DNAJC11: variants seen among roughly 807,000 people sequenced by gnomAD.
DNAJC11 encodes the protein dnaJ homolog subfamily C member 11.
DNAJC11 carries 15 observed loss-of-function variants against 78.6 expected under a neutral mutation model. The observed-to-expected ratio is 0.19, with a 90% confidence interval of 0.13 to 0.29. The LOEUF is 0.29. Ranked by LOEUF, DNAJC11 falls within the 10% of genes least tolerant of loss-of-function variation. The pLI, the probability that DNAJC11 is intolerant of heterozygous loss-of-function variation, is 1.00. For missense variants in DNAJC11, 547 were observed against 709.6 expected (o/e 0.77, Z 2.60); for synonymous variants, 292 against 272.1 (o/e 1.07, Z -0.72).
intron 4 of DNAJC11, among the ~76,000 whole-genome samples, chr1:6,656,303 T>G (rs1470198368): frequency 6.6e-6 from 1 of 151,640 alleles, no homozygotes; most frequent in Non-Finnish European, 1.5e-5. Flanking sequence ...GGAGCTGTCA[T>G]GTTTAATTAG....
At chr1:6,698,495 T>A (rs1234538996) in intron 1 of DNAJC11, among the ~76,000 whole-genome samples, 1 of 152,134 alleles carries the variant, frequency 6.6e-6, no homozygotes, top group South Asian at 2.1e-4. Context: ...CACCTGAGTA[T>A]GACATTTAAC....
chr1:6,641,798 T>A (rs968475807), intron 10 of DNAJC11, among the ~76,000 whole-genome samples: 1 of 152,190 alleles, frequency 6.6e-6, no homozygotes, highest in East Asian at 1.9e-4. Flanking sequence ...TGAGTTCCTC[T>A]CAAGTACCAC....
chr1:6,644,535 C>T lies in DNAJC11; in HGVS notation c.1097+23G>A, dbSNP rs375799942. The T allele has an allele frequency of 2.2e-5, 34 of 1,547,418 alleles. No individual in the cohort carries two copies. In the Middle Eastern group the frequency reaches 6.7e-4, roughly 31 times the overall value. ...TGAAGGTGACAGGCATTCCTTGACC[C>T]GAAAGGCCTAAGTTCAACTTACTTG... On this transcript the variant is annotated intron_variant, in intron 10 of 15. Coordinates refer to ENST00000377577, the MANE Select transcript of DNAJC11 (RefSeq NM_018198.4).
chr1:6,640,989 C>T (rs1641866330), intron 10 of DNAJC11, among the ~76,000 whole-genome samples: 1 of 152,084 alleles, frequency 6.6e-6, no homozygotes, highest in Non-Finnish European at 1.5e-5. Flanking sequence ...GCTGAAAAGC[C>T]AGAAAAAGAA....
chr1:6,653,905 C>T lies in DNAJC11; in HGVS notation c.507+6G>A. ...CTGTACTCGGAGAGGTGGTTGTGTG[C>T]TTTACCTCAATGGACTGGGATATGT... On this transcript the variant is annotated splice_donor_region_variant and intron_variant, in intron 5 of 15. Transcript: ENST00000377577. This position sits in a 1 kb window ranked among gnomAD's most constrained non-coding sequence, Gnocchi z 4.5. The T allele has an allele frequency of 6.2e-7, 1 of 1,611,540 alleles. No individual in the cohort carries two copies. The highest frequency in any genetic ancestry group is 2.2e-5 in the East Asian group (1 of 44,792).
intron 7 of DNAJC11, among the ~76,000 whole-genome samples, chr1:6,646,826 C>T (rs1570271239): frequency 2.0e-5 from 3 of 152,228 alleles, no homozygotes; most frequent in South Asian, 2.1e-4. Flanking sequence ...GTTTCTTTCT[C>T]TCCTTTCTAA....
chr1:6,672,355 C>G (rs1642393545), intron 3 of DNAJC11, among the ~76,000 whole-genome samples: 1 of 152,088 alleles, frequency 6.6e-6, no homozygotes, highest in Non-Finnish European at 1.5e-5. Flanking sequence ...AAAACAAAGC[C>G]TGGAAAGTGT....
intron 1 of DNAJC11, among the ~76,000 whole-genome samples, chr1:6,694,647 T>C (rs1642804065): frequency 6.6e-6 from 1 of 151,750 alleles, no homozygotes; most frequent in South Asian, 2.1e-4. Context: ...TTACAGCTCA[T>C]GCCACCATGC....
At chr1:6,666,480 T>G (rs1557478881) in intron 4 of DNAJC11, among the ~76,000 whole-genome samples, 1 of 148,942 alleles carries the variant, frequency 6.7e-6, no homozygotes, top group African/African-American at 2.5e-5. Context: ...TCCACCTCCC[T>G]GGTTCAAGCT....
At chr1:6,654,150 G>C in intron 4 of DNAJC11, 111 bp from the exon 5 acceptor site, 1 of 1,363,690 alleles carries the variant, frequency 7.3e-7, no homozygotes, top group Admixed American at 2.0e-5. Flanking sequence ...TTTGACTTCA[G>C]GGTTCACTGG....
rs1219694378 is a variant in DNAJC11 at position 6,634,897 on chromosome 1, C to T, written c.*778G>A. The T allele has an allele frequency of 1.7e-6, 2 of 1,188,056 alleles. No homozygotes were observed. Among genetic ancestry groups the T allele is most frequent in the South Asian group, 1.5e-5 (1 of 65,182 alleles). The allele number at this position is 1,188,056 out of a possible 1,614,324, so 73.6% of individuals were successfully genotyped here. A position where few individuals can be genotyped will look rare whatever the true frequency, so the allele number is the denominator to read the frequency against. On this transcript the variant is annotated 3_prime_UTR_variant, in exon 16 of 16. Transcript: ENST00000377577. ...TGAGCTGCCCTTGCCCAGCACTGCA[C>T]TCTGGAGGTGGGTGGTGCAGGCGGT...
intron 3 of DNAJC11, among the ~76,000 whole-genome samples, chr1:6,671,319 T>C (rs1642376202): frequency 6.6e-6 from 1 of 152,198 alleles, no homozygotes; most frequent in African/African-American, 2.4e-5. Flanking sequence ...CTCGGCTCAC[T>C]GCAAGCTCCG....
chr1:6,689,734 C>A (rs1642715130), intron 1 of DNAJC11, among the ~76,000 whole-genome samples: 1 of 151,476 alleles, frequency 6.6e-6, no homozygotes, highest in Non-Finnish European at 1.5e-5. Flanking sequence ...TGAGATTGCA[C>A]CATTGTACTC....
chr1:6,675,404 TTTTCA>T (rs1642445630), intron 3 of DNAJC11, among the ~76,000 whole-genome samples: 1 of 152,134 alleles, frequency 6.6e-6, no homozygotes, highest in African/African-American at 2.4e-5. Context: ...CTTATTTTTA[TTTTCA>T]TTTATTTATT....
intron 10 of DNAJC11, among the ~76,000 whole-genome samples, chr1:6,643,933 C>T (rs186041263): frequency 5.9e-5 from 9 of 152,094 alleles, no homozygotes; most frequent in Admixed American, 2.0e-4. Flanking sequence ...TGCAATGGAG[C>T]GATCCTGGCT....
At chr1:6,677,326 T>C (rs1358423907) in intron 3 of DNAJC11, among the ~76,000 whole-genome samples, 1 of 152,124 alleles carries the variant, frequency 6.6e-6, no homozygotes, top group Non-Finnish European at 1.5e-5. Context: ...AGGGTCTTGC[T>C]CTGTTGCCCA....
intron 10 of DNAJC11, among the ~76,000 whole-genome samples, chr1:6,640,687 C>T (rs975973204): frequency 1.6e-4 from 24 of 151,938 alleles, no homozygotes; most frequent in Non-Finnish European, 3.2e-4. Context: ...CAAAAATTAG[C>T]CGGGCGTGGT....
At chr1:6,699,435 C>A (rs756132495) in intron 1 of DNAJC11, among the ~76,000 whole-genome samples, 3 of 152,174 alleles carry the variant, frequency 2.0e-5, no homozygotes, top group Non-Finnish European at 2.9e-5. Flanking sequence ...TACTCTAGAC[C>A]TGCTTGATCA....
intron 1 of DNAJC11, among the ~76,000 whole-genome samples, chr1:6,681,265 T>C (rs1642547330): frequency 6.6e-6 from 1 of 152,166 alleles, no homozygotes; most frequent in Admixed American, 6.5e-5. Flanking sequence ...TGGGAAGTGC[T>C]GCTATCCAAT....
Sources: allele counts gnomAD v4.1 joint callset (sites outside exome capture counted in the v4.1 genomes callset), GRCh38; gene constraint gnomAD v4.1.1; non-coding constraint Gnocchi (gnomAD v3.1); transcripts MANE v1.5; gene names NCBI Gene and HGNC (gene_info 2026-07-23, HGNC 2026-07-21).